Variants in NXPE2 observed in about 807,000 individuals in gnomAD.
The protein encoded by NXPE2 is NXPE family member 2.
NXPE2 carries 34 observed loss-of-function variants against 34.4 expected under a neutral mutation model. The observed-to-expected ratio is 0.99, with a 90% CI of 0.75 to 1.31. The LOEUF is 1.31. Ranked by LOEUF, NXPE2 falls within the 40% of genes most tolerant of loss-of-function variation. The pLI, the probability that NXPE2 is intolerant of heterozygous loss-of-function variation, is 0.00. For missense variants in NXPE2, 649 were observed against 672.5 expected (o/e 0.97, Z 0.39); for synonymous variants, 235 against 231.3 (o/e 1.02, Z -0.15).
the NXPE2 span, among the ~76,000 whole-genome samples, chr11:114,618,457 G>T: frequency 2.6e-5 from 4 of 152,082 alleles, no homozygotes; most frequent in Admixed American, 1.3e-4. Context: ...TTGCCTCATG[G>T]GTAACCACTG....
the NXPE2 span, among the ~76,000 whole-genome samples, chr11:114,503,551 A>T: frequency 6.6e-6 from 1 of 152,172 alleles, no homozygotes; most frequent in Non-Finnish European, 1.5e-5. Flanking sequence ...GACTAAAAAA[A>T]AACCATGAAT....
At chr11:114,810,752 A>C in the NXPE2 span, among the ~76,000 whole-genome samples, 4 of 152,202 alleles carry the variant, frequency 2.6e-5, no homozygotes, top group South Asian at 8.3e-4. Context: ...ACTATAAACT[A>C]GTTCAACCAT....
At chr11:114,504,374 GC>G in the NXPE2 span, among the ~76,000 whole-genome samples, 3 of 152,098 alleles carry the variant, frequency 2.0e-5, no homozygotes, top group South Asian at 6.2e-4. Flanking sequence ...GCCACCCCAA[GC>G]CAATGCCACC....
chr11:114,787,627 G>A, the NXPE2 span, among the ~76,000 whole-genome samples: 1 of 152,116 alleles, frequency 6.6e-6, no homozygotes, highest in Non-Finnish European at 1.5e-5. Flanking sequence ...AGAGAGGAGG[G>A]ACTGAAAAGC....
chr11:114,599,206 G>A, the NXPE2 span, among the ~76,000 whole-genome samples: 1 of 152,028 alleles, frequency 6.6e-6, no homozygotes, highest in Non-Finnish European at 1.5e-5. Context: ...CCTTGGACAG[G>A]GGTACAGTGC....
intron 2 of NXPE2, among the ~76,000 whole-genome samples, chr11:114,680,458 G>C (rs186019902): frequency 1.1e-4 from 17 of 152,092 alleles, no homozygotes; most frequent in Admixed American, 9.2e-4. Flanking sequence ...AATATGAACT[G>C]GTTAAAAAAA....
the NXPE2 span, among the ~76,000 whole-genome samples, chr11:114,543,277 A>T: frequency 6.6e-6 from 1 of 151,454 alleles, no homozygotes; most frequent in Admixed American, 6.6e-5. Flanking sequence ...AATTGCTTGA[A>T]CCTGGGAGGC....
the NXPE2 span, among the ~76,000 whole-genome samples, chr11:114,725,976 A>AAATATATATATAT: frequency 2.5e-4 from 25 of 101,756 alleles, no homozygotes; most frequent in African/African-American, 7.4e-4. Context: ...ATAAAAAAAA[A>AAATATATATATAT]ATATATATAT....
the NXPE2 span, among the ~76,000 whole-genome samples, chr11:114,775,923 A>C: frequency 1.3e-5 from 2 of 152,076 alleles, no homozygotes; most frequent in African/African-American, 4.8e-5. Context: ...AGGGGAATGA[A>C]TCTGTTCCTG....
chr11:114,546,968 G>T, the NXPE2 span, among the ~76,000 whole-genome samples: 3 of 152,252 alleles, frequency 2.0e-5, no homozygotes, highest in Non-Finnish European at 2.9e-5. Context: ...GTAAATGAAT[G>T]ATTGAATAAA....
intron 2 of NXPE2, among the ~76,000 whole-genome samples, chr11:114,683,033 AT>A: frequency 6.6e-6 from 1 of 152,106 alleles, no homozygotes; most frequent in Non-Finnish European, 1.5e-5. Context: ...AGAAAATTTC[AT>A]TGTTCTAACC....
At chr11:114,492,680 A>G in the NXPE2 span, among the ~76,000 whole-genome samples, 2 of 151,984 alleles carry the variant, frequency 1.3e-5, no homozygotes, top group Non-Finnish European at 2.9e-5. Flanking sequence ...CTGGGACTAC[A>G]GGCACCCGCC....
chr11:114,794,436 T>G, the NXPE2 span, among the ~76,000 whole-genome samples: 2 of 152,178 alleles, frequency 1.3e-5, no homozygotes, highest in South Asian at 4.1e-4. Context: ...TCTTGTGGCA[T>G]GTCCTGAGTG....
the NXPE2 span, among the ~76,000 whole-genome samples, chr11:114,495,680 A>G: frequency 1.3e-5 from 2 of 152,080 alleles, no homozygotes; most frequent in Non-Finnish European, 2.9e-5. Flanking sequence ...GTACTGCCTG[A>G]CTACTATTAG....
the NXPE2 span, among the ~76,000 whole-genome samples, chr11:114,643,071 T>C: frequency 6.6e-6 from 1 of 152,150 alleles, no homozygotes; most frequent in Non-Finnish European, 1.5e-5. Flanking sequence ...TTGAGAAGTG[T>C]CCATTCATAT....
chr11:114,714,637 T>A, the NXPE2 span, among the ~76,000 whole-genome samples: 568 of 152,344 alleles, frequency 3.7e-3, 15 homozygotes, highest in Non-Finnish European at 1.1e-3. Context: ...TCAGGCAGGT[T>A]CTTTACATGT....
chr11:114,530,513 C>A, the NXPE2 span: 93 of 1,613,802 alleles, frequency 5.8e-5, no homozygotes, highest in Non-Finnish European at 7.5e-5. Flanking sequence ...TGAAGCTGAC[C>A]AGGTAGGTGC....
the NXPE2 span, among the ~76,000 whole-genome samples, chr11:114,490,280 C>T: frequency 1.7e-4 from 26 of 152,284 alleles, 1 homozygote; most frequent in East Asian, 4.8e-3. Flanking sequence ...GGCCATACTG[C>T]CCAAGATGAT....
chr11:114,513,039 C>T, the NXPE2 span: 2 of 425,906 alleles, frequency 4.7e-6, no homozygotes, highest in South Asian at 4.0e-5. Context: ...GTATCTGACC[C>T]CCCCCAGAAC....
Sources: allele counts gnomAD v4.1 joint callset (sites outside exome capture counted in the v4.1 genomes callset), GRCh38; gene constraint gnomAD v4.1.1; transcripts MANE v1.5; gene names NCBI Gene and HGNC (gene_info 2026-07-23, HGNC 2026-07-21).